EYA2: variants seen among roughly 807,000 people sequenced by gnomAD.
EYA2 encodes protein phosphatase EYA2.
EYA2 carries 31 observed loss-of-function variants against 69.2 expected under a neutral mutation model. The observed-to-expected ratio is 0.45, with a 90% confidence interval of 0.34 to 0.60. The LOEUF (loss-of-function observed/expected upper bound fraction) is 0.60. Among genes scored for constraint, EYA2 ranks in the 20% least tolerant of loss-of-function variants. The pLI, the probability that EYA2 is intolerant of heterozygous loss-of-function variation, is 0.02. For synonymous variants in EYA2, 257 were observed against 279.4 expected (o/e 0.92, Z 0.80); for missense variants, 622 against 701.2 (o/e 0.89, Z 1.28).
At chr20:47,169,954 G>A (rs1238667208) in intron 11 of EYA2, among the ~76,000 whole-genome samples, 1 of 151,986 alleles carries the variant, frequency 6.6e-6, no homozygotes, top group South Asian at 2.1e-4. Flanking sequence ...CACCCAGGCT[G>A]GAGTGCAATG....
chr20:47,063,384 T>C (rs1378117012), intron 5 of EYA2, among the ~76,000 whole-genome samples: 4 of 123,176 alleles, frequency 3.2e-5, no homozygotes, highest in Non-Finnish European at 6.5e-5. Flanking sequence ...TGTGTGTGTG[T>C]GCGTGTGCGT....
chr20:46,958,551 A>AT (rs559313814), intron 1 of EYA2, among the ~76,000 whole-genome samples: 157 of 152,264 alleles, frequency 1.0e-3, no homozygotes, highest in African/African-American at 3.7e-3. Flanking sequence ...AGGAACCCTC[A>AT]TTTTTTTAAA....
chr20:46,956,163 A>G (rs1448345387), intron 1 of EYA2, among the ~76,000 whole-genome samples: 2 of 152,206 alleles, frequency 1.3e-5, no homozygotes, highest in Admixed American at 6.5e-5. Context: ...AGCAGGTGGC[A>G]GGAAGAATCA....
intron 10 of EYA2, among the ~76,000 whole-genome samples, chr20:47,158,232 T>C (rs980225159): frequency 2.6e-5 from 4 of 151,970 alleles, no homozygotes; most frequent in Admixed American, 6.6e-5. Context: ...CACTGAAGAC[T>C]GTCTGGGTGC....
chr20:47,064,266 A>G (rs2031023190), intron 5 of EYA2, among the ~76,000 whole-genome samples: 1 of 152,212 alleles, frequency 6.6e-6, no homozygotes, highest in South Asian at 2.1e-4. Context: ...CTCATTTGGC[A>G]TAATGTTTTC....
intron 10 of EYA2, among the ~76,000 whole-genome samples, chr20:47,158,607 C>G (rs1270174969): frequency 1.3e-5 from 2 of 151,672 alleles, no homozygotes; most frequent in African/African-American, 4.8e-5. Context: ...ACTCAGATAA[C>G]AGTTTCTAAT....
intron 12 of EYA2, among the ~76,000 whole-genome samples, chr20:47,178,908 C>T (rs2146668613): frequency 6.7e-6 from 1 of 149,962 alleles, no homozygotes; most frequent in Non-Finnish European, 1.5e-5. Context: ...ATTATTTTCT[C>T]CCTATGGTGA....
At position 47,135,842 on chromosome 20, in the gene EYA2, C is replaced by CAAAAAAAAAA. The variant is rs1266669397; in HGVS notation, c.889-7214_889-7213insAAAAAAAAAA. ...ACAAAAAAAAAAAAAAAAAAAAAAA[C>CAAAAAAAAAA]AAACAAACAAACAAAAAACTAATTA... is the stretch of plus-strand genomic sequence containing the variant. On this transcript the variant is annotated intron_variant, in intron 9 of 15. Coordinates refer to ENST00000327619, the MANE Select transcript of EYA2 (RefSeq NM_005244.5). Among the ~76,000 whole-genome samples, 10 of 54,024 alleles carry CAAAAAAAAAA rather than the reference C, an allele frequency of 1.9e-4. 1 individual carries two copies. Among genetic ancestry groups the CAAAAAAAAAA allele is most frequent in the Non-Finnish European group, 2.3e-4 (8 of 34,142 alleles). 35.4% of individuals were successfully genotyped at this position (54,024 alleles called of 152,430 possible).
chr20:47,004,394 G>T (rs1053729430), intron 3 of EYA2, among the ~76,000 whole-genome samples: 2 of 152,204 alleles, frequency 1.3e-5, no homozygotes, highest in African/African-American at 4.8e-5. Context: ...AATTGAGAAG[G>T]TATCTAAATT....
intron 7 of EYA2, among the ~76,000 whole-genome samples, chr20:47,078,331 GCACACACA>G (rs60383949): frequency 2.7e-4 from 33 of 123,828 alleles, no homozygotes; most frequent in African/African-American, 6.2e-4. Flanking sequence ...GCGCGCGCGC[GCACACACA>G]CACACACACA....
chr20:46,923,301 G>C (rs1985262432), intron 1 of EYA2, among the ~76,000 whole-genome samples: 1 of 152,210 alleles, frequency 6.6e-6, no homozygotes. Flanking sequence ...GGAGGCAGAG[G>C]TTGCAGTGAG....
chr20:47,138,749 C>CA (rs199541664), intron 9 of EYA2, among the ~76,000 whole-genome samples: 2,719 of 135,670 alleles, frequency 0.02, 111 homozygotes, highest in East Asian at 0.17. Context: ...GACCCTGTCT[C>CA]AAAAAAAAAA....
rs146976567 is a variant in EYA2, at chr20:47,092,177, C to G, written c.804+2796C>G. 2.8e-3 allele frequency among the ~76,000 whole-genome samples: 433 copies of G among 152,220 alleles called. 1 individual carries two copies. The highest frequency in any genetic ancestry group is 9.8e-3 in the African/African-American group (408 of 41,552). On this transcript the variant is annotated intron_variant, in intron 8 of 15. Coordinates refer to ENST00000327619, the MANE Select transcript of EYA2 (RefSeq NM_005244.5). ...ATAGCTGGGGTCGGTTCTGATCACC[C>G]TGGAAGATATTAAATATCCTGAACA...
chr20:47,169,038 C>A (rs2034263637), intron 10 of EYA2, 101 bp from the exon 11 acceptor site: 4 of 1,042,348 alleles, frequency 3.8e-6, no homozygotes, highest in Non-Finnish European at 5.9e-6. Flanking sequence ...CAGTGCAGTG[C>A]TCATCCCAGC....
At chr20:46,895,597 G>A (rs1002381011) in intron 1 of EYA2, among the ~76,000 whole-genome samples, 3 of 152,232 alleles carry the variant, frequency 2.0e-5, no homozygotes, top group Admixed American at 6.5e-5. Flanking sequence ...GGGTAGAGTT[G>A]AAACTTAGAA....
At chr20:47,060,258 G>C (rs1366333130) in intron 5 of EYA2, among the ~76,000 whole-genome samples, 1 of 152,146 alleles carries the variant, frequency 6.6e-6, no homozygotes, top group South Asian at 2.1e-4. Context: ...AGGTTCGTTT[G>C]GCATCTCAAT....
chr20:47,022,353 G>A (rs556131160), intron 5 of EYA2, among the ~76,000 whole-genome samples: 23 of 152,208 alleles, frequency 1.5e-4, no homozygotes, highest in African/African-American at 4.8e-4. Flanking sequence ...TCACTTTGTC[G>A]TCCAGGCTGG....
intron 2 of EYA2, among the ~76,000 whole-genome samples, chr20:46,991,968 CAAAAAAAAA>C (rs36163121): frequency 3.8e-5 from 3 of 79,274 alleles, no homozygotes; most frequent in African/African-American, 1.4e-4. Flanking sequence ...GACTCCGTCT[CAAAAAAAAA>C]AAAAAAAAAC....
chr20:47,078,319 G>A (rs1178171644), intron 7 of EYA2, among the ~76,000 whole-genome samples: 2 of 122,176 alleles, frequency 1.6e-5, no homozygotes, highest in African/African-American at 6.1e-5. Flanking sequence ...ATGTGCACGT[G>A]CGCGCGCGCG....
Sources: gnomAD v4.1 joint callset for allele counts (sites outside exome capture counted in the v4.1 genomes callset) on GRCh38, gnomAD v4.1.1 for gene constraint, MANE v1.5 for transcripts, NCBI Gene and HGNC (gene_info 2026-07-23, HGNC 2026-07-21) for gene names.